The following PRR16 variants were observed in gnomAD, a reference collection of about 807,000 sequenced individuals.
The protein encoded by PRR16 is proline rich 16.
A neutral mutation model predicts 18.2 loss-of-function variants in PRR16; 6 were observed. The ratio of observed to expected loss-of-function variants is 0.33; its 90% CI spans 0.18 to 0.65. The LOEUF (loss-of-function observed/expected upper bound fraction) is 0.65. Ranked by LOEUF, PRR16 falls within the 30% of genes least tolerant of loss-of-function variation. The pLI, the probability that PRR16 is intolerant of heterozygous loss-of-function variation, is 0.74. For missense variants in PRR16, 412 were observed against 376.6 expected (o/e 1.09, Z -0.78); for synonymous variants, 151 against 147.8 (o/e 1.02, Z -0.16).
chr5:120,670,720 G>A (rs942545838), intron 1 of PRR16, among the ~76,000 whole-genome samples: 1 of 152,076 alleles, frequency 6.6e-6, no homozygotes, highest in Admixed American at 6.6e-5. Context: ...GTGCATTCAT[G>A]CTAAGCACAC....
the PRR16 span, among the ~76,000 whole-genome samples, chr5:120,701,719 G>T: frequency 7.9e-5 from 12 of 152,158 alleles, no homozygotes; most frequent in African/African-American, 2.9e-4. Flanking sequence ...AACGCTTGGG[G>T]TTGGTACTGA....
chr5:120,699,963 G>A, the PRR16 span, among the ~76,000 whole-genome samples: 9 of 152,336 alleles, frequency 5.9e-5, no homozygotes, highest in East Asian at 1.5e-3. Context: ...CTTTGCAGCA[G>A]TACAGCCTAG....
At chr5:120,562,619 C>T (rs1200095917) in intron 1 of PRR16, among the ~76,000 whole-genome samples, 1 of 151,906 alleles carries the variant, frequency 6.6e-6, no homozygotes, top group Non-Finnish European at 1.5e-5. Context: ...GTTTTAATTT[C>T]TAACTTTGTG....
chr5:120,671,072 C>A (rs1435042198), intron 1 of PRR16, among the ~76,000 whole-genome samples: 1 of 152,032 alleles, frequency 6.6e-6, no homozygotes, highest in African/African-American at 2.4e-5. Context: ...CCTCCTTTTT[C>A]TAGCTTGCCT....
At chr5:120,589,840 G>A (rs532202529) in intron 1 of PRR16, among the ~76,000 whole-genome samples, 1 of 152,170 alleles carries the variant, frequency 6.6e-6, no homozygotes, top group Admixed American at 6.5e-5. Context: ...TGGGGACACA[G>A]AGCCAAACCA....
the PRR16 span, among the ~76,000 whole-genome samples, chr5:120,727,235 CTT>C: frequency 1.8e-4 from 27 of 152,126 alleles, no homozygotes; most frequent in South Asian, 3.9e-3. Flanking sequence ...AGATTCTGTA[CTT>C]GTCTCCCTTT....
chr5:120,660,402 A>G (rs4895269), intron 1 of PRR16, among the ~76,000 whole-genome samples: 137,515 of 152,064 alleles, frequency 0.9, 63,252 homozygotes, highest in East Asian at 1. Flanking sequence ...GAGAATCTAC[A>G]TTTAAATAAT....
chr5:120,709,597 A>G, the PRR16 span, among the ~76,000 whole-genome samples: 2 of 152,070 alleles, frequency 1.3e-5, no homozygotes, highest in Admixed American at 6.6e-5. Context: ...TTATCTAGCT[A>G]TATTTTTGTA....
At chr5:120,654,520 A>G (rs989019805) in intron 1 of PRR16, among the ~76,000 whole-genome samples, 5 of 151,898 alleles carry the variant, frequency 3.3e-5, no homozygotes, top group African/African-American at 1.2e-4. Context: ...ACCTCCAACA[A>G]AAATTAAATT....
rs188616101 is a variant in PRR16 at position 120,488,392 on chromosome 5, G to A, written c.159+23747G>A. Among the ~76,000 whole-genome samples, 223 of 152,124 alleles carry A rather than the reference G, an allele frequency of 1.5e-3. 2 individuals carry two copies. The highest frequency in any genetic ancestry group is 3.7e-3 in the South Asian group (18 of 4,804). ...TTAGTCTTGGGAGGGTGTATGTGTC[G>A]AGGAATTTATCTATTTCCTCTAGAT... is the stretch of plus-strand genomic sequence containing the variant. On this transcript the variant is annotated intron_variant, in intron 1 of 1. Coordinates refer to ENST00000407149, the MANE Select transcript of PRR16 (RefSeq NM_001300783.2).
At position 120,642,120 on chromosome 5, in the gene PRR16, G is replaced by A. The variant is rs148984812; in HGVS notation, c.160-43834G>A. Among the ~76,000 whole-genome samples the A allele has an allele frequency of 1.2e-3, 181 of 152,084 alleles. 1 individual carries two copies. The highest frequency in any genetic ancestry group is 4.3e-3 in the African/African-American group (177 of 41,506). ...GTTCCTTTGCTCCTTCTTTTAGGCT[G>A]TCACCATTTTTCATCTGGATGATGA... On this transcript the variant is annotated intron_variant, in intron 1 of 1. Transcript: ENST00000407149.
At chr5:120,788,472 TTTTA>T in the PRR16 span, among the ~76,000 whole-genome samples, 2 of 152,104 alleles carry the variant, frequency 1.3e-5, no homozygotes, top group Non-Finnish European at 2.9e-5. Context: ...TATTTAAGAT[TTTTA>T]TTTAATAGTA....
the PRR16 span, among the ~76,000 whole-genome samples, chr5:120,733,773 AT>A: frequency 9.9e-5 from 15 of 152,248 alleles, no homozygotes; most frequent in African/African-American, 3.4e-4. Context: ...GTTTCTAAAA[AT>A]TTTTGTAATT....
intron 1 of PRR16, among the ~76,000 whole-genome samples, chr5:120,600,160 A>T (rs1393430145): frequency 1.3e-5 from 2 of 150,150 alleles, no homozygotes; most frequent in African/African-American, 2.4e-5. Context: ...TTTTTGTTTA[A>T]TTTTTTTTTC....
intron 1 of PRR16, among the ~76,000 whole-genome samples, chr5:120,627,012 C>A (rs1754888906): frequency 1.3e-5 from 2 of 152,048 alleles, no homozygotes; most frequent in South Asian, 2.1e-4. Context: ...GGAAGAGCTG[C>A]AAAGCTTAAA....
chr5:120,511,974 C>T (rs1750841565), intron 1 of PRR16, among the ~76,000 whole-genome samples: 1 of 152,114 alleles, frequency 6.6e-6, no homozygotes, highest in South Asian at 2.1e-4. Context: ...CTGTCTGAAG[C>T]CTCTAAGCTC....
downstream of PRR16, among the ~76,000 whole-genome samples, chr5:120,692,135 A>G (rs74935222): frequency 7.2e-3 from 1,099 of 152,344 alleles, 6 homozygotes; most frequent in Middle Eastern, 0.014. Context: ...CATTGTGTAC[A>G]GGTAATCTGT....
At chr5:120,613,371 A>AT (rs5870901) in intron 1 of PRR16, among the ~76,000 whole-genome samples, 101,561 of 151,400 alleles carry the variant, frequency 0.67, 35,112 homozygotes, top group East Asian at 0.85. Flanking sequence ...TTCATAATTT[A>AT]TTTTTTTTCT....
At chr5:120,773,733 G>A in the PRR16 span, among the ~76,000 whole-genome samples, 1 of 152,010 alleles carries the variant, frequency 6.6e-6, no homozygotes, top group Non-Finnish European at 1.5e-5. Context: ...AATAAAGATG[G>A]GGGATATTAT....
Sources: allele counts gnomAD v4.1 joint callset (sites outside exome capture counted in the v4.1 genomes callset), GRCh38; gene constraint gnomAD v4.1.1; transcripts MANE v1.5; gene names NCBI Gene and HGNC (gene_info 2026-07-23, HGNC 2026-07-21).